The following CSMD1 variants were observed in gnomAD, a reference collection of about 807,000 sequenced individuals.
CSMD1 encodes the protein CUB and Sushi multiple domains 1.
In CSMD1, 213 loss-of-function variants were observed where a neutral mutation model predicts 417.5. The observed-to-expected ratio is 0.51, with a 90% confidence interval of 0.46 to 0.57. The LOEUF (loss-of-function observed/expected upper bound fraction) is 0.57, where lower values mean the gene tolerates loss of function less well. CSMD1 is among the 20% of genes least tolerant of loss of function. The probability of loss-of-function intolerance (pLI) is 0.00; values close to 1 mark genes in which losing one functional copy is unlikely to be tolerated. For missense variants in CSMD1, 6,923 were observed against 4,529.7 expected (o/e 1.53, Z -15.17); for synonymous variants, 2,862 against 1,736.8 (o/e 1.65, Z -16.11).
chr8:4,832,283 G>A (rs568842470), intron 1 of CSMD1, among the ~76,000 whole-genome samples: 18 of 152,248 alleles, frequency 1.2e-4, no homozygotes, highest in African/African-American at 4.1e-4. Context: ...TTCTTCCTGA[G>A]ATGTTCAGTC....
intron 23 of CSMD1, among the ~76,000 whole-genome samples, chr8:3,314,058 G>T (rs1359506355): frequency 1.3e-5 from 2 of 150,944 alleles, no homozygotes; most frequent in African/African-American, 4.9e-5. Context: ...CTCATAGGTG[G>T]GAATTGAACA....
At chr8:3,477,452 C>A (rs753146749) in intron 11 of CSMD1, among the ~76,000 whole-genome samples, 14 of 152,206 alleles carry the variant, frequency 9.2e-5, no homozygotes, top group Non-Finnish European at 1.8e-4. Context: ...ATTTAAGTGA[C>A]TACTTGCCTT....
At chr8:3,207,047 G>A (rs1423433636) in intron 30 of CSMD1, among the ~76,000 whole-genome samples, 1 of 151,686 alleles carries the variant, frequency 6.6e-6, no homozygotes, top group Non-Finnish European at 1.5e-5. Context: ...TGGATATACC[G>A]CCACTGATTT....
At chr8:4,467,919 AG>A (rs1433024277) in intron 2 of CSMD1, among the ~76,000 whole-genome samples, 4 of 152,228 alleles carry the variant, frequency 2.6e-5, no homozygotes, top group Non-Finnish European at 5.9e-5. Context: ...GGATCCAAAC[AG>A]TTGGAATTCC....
At chr8:3,155,269 G>C (rs1819444008) in intron 39 of CSMD1, among the ~76,000 whole-genome samples, 2 of 151,010 alleles carry the variant, frequency 1.3e-5, no homozygotes, top group Non-Finnish European at 2.9e-5. Flanking sequence ...AAAATAAATA[G>C]GCAGATTGAT....
At chr8:4,138,468 C>T (rs1803574434) in intron 3 of CSMD1, among the ~76,000 whole-genome samples, 1 of 152,024 alleles carries the variant, frequency 6.6e-6, no homozygotes, top group African/African-American at 2.4e-5. Flanking sequence ...GGAGGAAATG[C>T]CTACAAGTGC....
intron 3 of CSMD1, among the ~76,000 whole-genome samples, chr8:4,095,459 T>G (rs1317712266): frequency 6.6e-6 from 1 of 152,170 alleles, no homozygotes; most frequent in Non-Finnish European, 1.5e-5. Flanking sequence ...AATTTGAGCA[T>G]TTTGTATTTT....
intron 3 of CSMD1, among the ~76,000 whole-genome samples, chr8:4,034,174 A>G (rs912642730): frequency 2.0e-5 from 3 of 152,228 alleles, no homozygotes; most frequent in Non-Finnish European, 2.9e-5. Flanking sequence ...TTTTTAGAAT[A>G]CGGAATAGGA....
chr8:4,064,945 A>G (rs1184650154), intron 3 of CSMD1, among the ~76,000 whole-genome samples: 2 of 151,782 alleles, frequency 1.3e-5, no homozygotes, highest in East Asian at 3.9e-4. Flanking sequence ...AAAAAACCTT[A>G]CCTCTAGATT....
chr8:3,948,238 G>A (rs909066468), intron 5 of CSMD1, among the ~76,000 whole-genome samples: 3 of 152,122 alleles, frequency 2.0e-5, no homozygotes, highest in Admixed American at 2.0e-4. Flanking sequence ...AACAACAAGT[G>A]TCGCAGACAT....
chr8:4,854,057 CA>C (rs1801643164), intron 1 of CSMD1, among the ~76,000 whole-genome samples: 1 of 152,002 alleles, frequency 6.6e-6, no homozygotes, highest in African/African-American at 2.4e-5. Flanking sequence ...TACAGTCTCA[CA>C]GGGGGAACGA....
rs149352630 is a variant in CSMD1 at position 3,028,265 on chromosome 8, C to T, written c.7855+1054G>A. On this transcript the variant is annotated intron_variant, in intron 51 of 69. Coordinates refer to ENST00000635120, the MANE Select transcript of CSMD1 (RefSeq NM_033225.6). The stretch of plus-strand genomic sequence containing the variant: ...ACTCCTTCTCCTAATCTCTCCTTAC[C>T]GGTGCTAATGCTGGAATCTCCAGGT... Among the ~76,000 whole-genome samples, 208 of 152,234 alleles carry T rather than the reference C, an allele frequency of 1.4e-3. 6 individuals carry two copies. In the East Asian group the frequency reaches 0.034, roughly 25 times the overall value.
chr8:3,251,538 G>T (rs941327374), intron 26 of CSMD1, among the ~76,000 whole-genome samples: 39 of 152,154 alleles, frequency 2.6e-4, no homozygotes, highest in Non-Finnish European at 4.9e-4. Flanking sequence ...GATTGACTTG[G>T]CGATGCGGGC....
At chr8:3,608,499 C>T (rs1801729362) in intron 8 of CSMD1, among the ~76,000 whole-genome samples, 2 of 152,082 alleles carry the variant, frequency 1.3e-5, no homozygotes, top group Non-Finnish European at 2.9e-5. Flanking sequence ...CGCTGTGGCT[C>T]ACGCCTGTAA....
At position 4,024,067 on chromosome 8, in the gene CSMD1, A is replaced by G. The variant is rs75297655; in HGVS notation, c.610+7838T>C. On this transcript the variant is annotated intron_variant, in intron 4 of 69. Coordinates refer to ENST00000635120, the MANE Select transcript of CSMD1 (RefSeq NM_033225.6). ...TAGAGGCCAAAACAGGAGAGAAAAT[A>G]TACTAGAAAGAGTAGAAGCAAGAAT... 3.3e-5 allele frequency among the ~76,000 whole-genome samples: 5 copies of G among 152,316 alleles called. No homozygotes were observed. In the South Asian group the frequency reaches 6.2e-4, roughly 19 times the overall value.
chr8:4,456,199 G>C (rs953766759), intron 2 of CSMD1, among the ~76,000 whole-genome samples: 2 of 152,024 alleles, frequency 1.3e-5, no homozygotes, highest in Non-Finnish European at 2.9e-5. Flanking sequence ...TTTATTACAG[G>C]TTTTTAAAGC....
At chr8:4,038,994 C>T (rs1409836538) in intron 3 of CSMD1, among the ~76,000 whole-genome samples, 2 of 152,138 alleles carry the variant, frequency 1.3e-5, no homozygotes, top group African/African-American at 4.8e-5. Context: ...CCAGCTGTTT[C>T]AATGGTTAAG....
At chr8:4,068,028 C>T (rs1255937313) in intron 3 of CSMD1, among the ~76,000 whole-genome samples, 1 of 152,004 alleles carries the variant, frequency 6.6e-6, no homozygotes, top group Admixed American at 6.6e-5. Flanking sequence ...TTGCAGTGAG[C>T]CGAGATCATG....
chr8:3,194,630 T>TG (rs1359735191), intron 33 of CSMD1, among the ~76,000 whole-genome samples: 1 of 150,480 alleles, frequency 6.6e-6, no homozygotes, highest in Admixed American at 6.6e-5. Context: ...GCTAATAATT[T>TG]TTTTTTTTTT....
Sources: gnomAD v4.1 joint callset for allele counts (sites outside exome capture counted in the v4.1 genomes callset) on GRCh38, gnomAD v4.1.1 for gene constraint, MANE v1.5 for transcripts, NCBI Gene and HGNC (gene_info 2026-07-23, HGNC 2026-07-21) for gene names.